SNTG1: variants seen among roughly 807,000 people sequenced by gnomAD.
SNTG1 encodes syntrophin gamma 1.
SNTG1 carries 39 observed loss-of-function variants against 74.7 expected under a neutral mutation model. That is an observed-to-expected ratio of 0.52 (90% CI 0.40 to 0.68). The LOEUF (loss-of-function observed/expected upper bound fraction) is 0.68, where lower values mean the gene tolerates loss of function less well. SNTG1 is among the 30% of genes least tolerant of loss of function. The pLI, the probability that SNTG1 is intolerant of heterozygous loss-of-function variation, is 0.00. For synonymous variants in SNTG1, 254 were observed against 217.1 expected, an observed-to-expected ratio of 1.17 and a Z score of -1.49; for missense variants, 685 against 609.5, an observed-to-expected ratio of 1.12 and a Z score of -1.30.
intron 1 of SNTG1, among the ~76,000 whole-genome samples, chr8:50,003,241 T>C (rs1224849551): frequency 6.6e-6 from 1 of 152,202 alleles, no homozygotes; most frequent in African/African-American, 2.4e-5. Context: ...AAGCTGATGA[T>C]ATAAAAATTG....
At chr8:50,509,603 G>T (rs1382024343) in intron 9 of SNTG1, among the ~76,000 whole-genome samples, 1 of 152,004 alleles carries the variant, frequency 6.6e-6, no homozygotes, top group African/African-American at 2.4e-5. Flanking sequence ...GAGCAGTGGT[G>T]TGTAGTTCTC....
At chr8:50,257,194 T>C (rs1320187379) in intron 2 of SNTG1, among the ~76,000 whole-genome samples, 2 of 152,104 alleles carry the variant, frequency 1.3e-5, no homozygotes, top group Non-Finnish European at 2.9e-5. Context: ...CTTCTCCCAC[T>C]GAACATACAC....
At chr8:50,717,187 A>T (rs1253364835) in intron 17 of SNTG1, among the ~76,000 whole-genome samples, 1 of 152,040 alleles carries the variant, frequency 6.6e-6, no homozygotes, top group Non-Finnish European at 1.5e-5. Flanking sequence ...ATACCCTTAA[A>T]TTTTATGTCT....
chr8:49,989,479 C>G (rs929341711), intron 1 of SNTG1, among the ~76,000 whole-genome samples: 29 of 151,740 alleles, frequency 1.9e-4, no homozygotes, highest in African/African-American at 6.5e-4. Context: ...AATTAAAGTC[C>G]AGGTTTTACT....
chr8:50,627,310 T>C (rs745835999), intron 13 of SNTG1, among the ~76,000 whole-genome samples: 2 of 152,212 alleles, frequency 1.3e-5, no homozygotes, highest in Non-Finnish European at 2.9e-5. Flanking sequence ...TAGATTATCA[T>C]AGATAATAAA....
chr8:50,487,396 T>C (rs1267609173), intron 8 of SNTG1, among the ~76,000 whole-genome samples: 1 of 152,232 alleles, frequency 6.6e-6, no homozygotes. Context: ...CACGTTTATT[T>C]ATTGTGGCAT....
chr8:50,701,070 G>A (rs538453752), intron 15 of SNTG1, among the ~76,000 whole-genome samples: 3 of 152,216 alleles, frequency 2.0e-5, no homozygotes, highest in Admixed American at 2.0e-4. Context: ...ATTGCTACAT[G>A]TGATTTATGA....
chr8:50,655,855 C>T (rs577726342), intron 13 of SNTG1, among the ~76,000 whole-genome samples: 45 of 152,276 alleles, frequency 3.0e-4, no homozygotes, highest in African/African-American at 1.0e-3. Flanking sequence ...TGAAAGTAAA[C>T]TGATTGTCAT....
At chr8:49,984,228 A>G (rs1240971112) in intron 1 of SNTG1, among the ~76,000 whole-genome samples, 1 of 151,832 alleles carries the variant, frequency 6.6e-6, no homozygotes, top group Non-Finnish European at 1.5e-5. Flanking sequence ...TTGGTGAGAC[A>G]GAGATTTACT....
chr8:50,056,555 A>T (rs2130909858), intron 1 of SNTG1, among the ~76,000 whole-genome samples: 1 of 152,280 alleles, frequency 6.6e-6, no homozygotes, highest in Non-Finnish European at 1.5e-5. Flanking sequence ...GAGTGTGTCC[A>T]ACTTCTTGGG....
At chr8:50,426,205 G>A (rs2093161480) in intron 4 of SNTG1, among the ~76,000 whole-genome samples, 2 of 152,186 alleles carry the variant, frequency 1.3e-5, no homozygotes, top group South Asian at 4.2e-4. Flanking sequence ...TCGCATCCAG[G>A]ACACCTCTGT....
rs5891365 is a variant in SNTG1 at position 50,442,680 on chromosome 8, TAAAA to T, written c.219+4105_219+4108del. Among the ~76,000 whole-genome samples the T allele has an allele frequency of 6.1e-3, 498 of 81,162 alleles. 7 individuals carry two copies. The highest frequency in any genetic ancestry group is 0.021 in the East Asian group (56 of 2,606). 53.2% of individuals were successfully genotyped at this position (81,162 alleles called of 152,430 possible). On this transcript the variant is annotated intron_variant, in intron 5 of 18. Coordinates refer to ENST00000642720, the MANE Select transcript of SNTG1 (RefSeq NM_018967.5). ...TTCTTTGTATTAATTTGTCTATCAG[TAAAA>T]AAAAAAAAAAAAAAAAAAAAAAATC...
chr8:50,728,899 T>G (rs550263827), intron 17 of SNTG1, among the ~76,000 whole-genome samples: 1 of 152,302 alleles, frequency 6.6e-6, no homozygotes, highest in Admixed American at 6.5e-5. Context: ...TTGCAGAAAA[T>G]GGATACCCAG....
chr8:50,706,161 T>C lies in SNTG1; in HGVS notation c.1191+1409T>C, dbSNP rs529317888. On this transcript the variant is annotated intron_variant, in intron 16 of 18. Coordinates refer to ENST00000642720, the MANE Select transcript of SNTG1 (RefSeq NM_018967.5). Reference sequence around the variant, plus strand: ...ACTCCAATTATAGTTTTTTTAATTGTTCAGTTGACTCTTTTCAATAACTCT... The same window carrying C: ...ACTCCAATTATAGTTTTTTTAATTGCTCAGTTGACTCTTTTCAATAACTCT... Among the ~76,000 whole-genome samples the C allele has an allele frequency of 7.9e-5, 12 of 152,318 alleles. 1 individual carries two copies. The South Asian group carries it at 2.5e-3, about 32-fold the overall frequency.
At chr8:50,602,245 A>T (rs1327007756) in intron 13 of SNTG1, among the ~76,000 whole-genome samples, 1 of 150,126 alleles carries the variant, frequency 6.7e-6, no homozygotes, top group Non-Finnish European at 1.5e-5. Flanking sequence ...ATCTGGTGGT[A>T]TGATTTAAAT....
chr8:50,010,280 A>G (rs1362088946), intron 1 of SNTG1, among the ~76,000 whole-genome samples: 1 of 152,088 alleles, frequency 6.6e-6, no homozygotes, highest in Non-Finnish European at 1.5e-5. Flanking sequence ...CTTAATCCTC[A>G]CAAACTCCAA....
At chr8:50,266,663 T>A (rs1422262931) in intron 2 of SNTG1, among the ~76,000 whole-genome samples, 1 of 117,204 alleles carries the variant, frequency 8.5e-6, no homozygotes, top group Non-Finnish European at 1.8e-5. Context: ...TGTGTGTGTG[T>A]GTGTGTGTGT....
chr8:50,168,765 T>C (rs2082710242), intron 1 of SNTG1, among the ~76,000 whole-genome samples: 1 of 152,168 alleles, frequency 6.6e-6, no homozygotes, highest in Non-Finnish European at 1.5e-5. Flanking sequence ...TTTAAGAAAC[T>C]TTTAAGATTT....
chr8:49,981,603 G>A (rs1812686251), intron 1 of SNTG1, among the ~76,000 whole-genome samples: 1 of 152,166 alleles, frequency 6.6e-6, no homozygotes, highest in African/African-American at 2.4e-5. Context: ...TATGAAATGT[G>A]ACTTTAGGAA....
Sources: allele counts gnomAD v4.1 joint callset (sites outside exome capture counted in the v4.1 genomes callset), GRCh38; gene constraint gnomAD v4.1.1; transcripts MANE v1.5; gene names NCBI Gene and HGNC (gene_info 2026-07-23, HGNC 2026-07-21).